CDK14: variants seen among roughly 807,000 people sequenced by gnomAD.
CDK14 encodes the protein cyclin dependent kinase 14, also known as cyclin-dependent kinase 14.
Under a neutral mutation model 60.7 loss-of-function variants are expected in CDK14, and 34 were observed. The ratio of observed to expected loss-of-function variants is 0.56; its 90% CI spans 0.43 to 0.75. The LOEUF is 0.75. CDK14 is among the 30% of genes least tolerant of loss of function. The pLI is 0.00. For missense variants in CDK14, 482 were observed against 564.1 expected, an observed-to-expected ratio of 0.85 and a Z score of 1.47; for synonymous variants, 197 against 203.7, an observed-to-expected ratio of 0.97 and a Z score of 0.28.
intron 12 of CDK14, among the ~76,000 whole-genome samples, chr7:91,103,062 G>A (rs1799188851): frequency 6.6e-6 from 1 of 152,052 alleles, no homozygotes; most frequent in African/African-American, 2.4e-5. Context: ...AGACCAGTCT[G>A]GCCAACATGG....
At chr7:91,026,024 C>T (rs140558812) in intron 10 of CDK14, among the ~76,000 whole-genome samples, 53 of 150,244 alleles carry the variant, frequency 3.5e-4, no homozygotes, top group African/African-American at 1.1e-3. Context: ...GACTAAGTTA[C>T]CTTTTTTTTT....
At chr7:91,191,240 G>C (rs1489592078) in intron 14 of CDK14, among the ~76,000 whole-genome samples, 11 of 152,012 alleles carry the variant, frequency 7.2e-5, no homozygotes, top group Admixed American at 6.6e-4. Context: ...TACCAAACCA[G>C]AGTTAGCAAC....
chr7:90,859,941 T>G (rs553664211), intron 5 of CDK14, among the ~76,000 whole-genome samples: 3 of 151,906 alleles, frequency 2.0e-5, no homozygotes, highest in Admixed American at 6.6e-5. Flanking sequence ...TGTTTTTTTG[T>G]TTTTTTTCTC....
intron 5 of CDK14, among the ~76,000 whole-genome samples, chr7:90,854,298 G>C (rs1355055114): frequency 1.3e-5 from 2 of 152,182 alleles, no homozygotes; most frequent in Non-Finnish European, 2.9e-5. Flanking sequence ...AGAATCACTT[G>C]AGTGCGGGAA....
At chr7:91,004,588 A>G (rs185259799) in intron 10 of CDK14, among the ~76,000 whole-genome samples, 2 of 152,310 alleles carry the variant, frequency 1.3e-5, no homozygotes, top group East Asian at 3.9e-4. Flanking sequence ...AAAGAATATC[A>G]ATTGATGTCA....
intron 4 of CDK14, among the ~76,000 whole-genome samples, chr7:90,787,171 G>A (rs12537446): frequency 0.21 from 31,183 of 152,044 alleles, 3,340 homozygotes; most frequent in South Asian, 0.24. Context: ...TTGATAATCA[G>A]TGTAATTCTT....
intron 6 of CDK14, among the ~76,000 whole-genome samples, chr7:90,886,955 A>G (rs890583681): frequency 2.6e-5 from 4 of 152,094 alleles, no homozygotes; most frequent in East Asian, 1.9e-4. Context: ...ATTGTTGGCT[A>G]TTTTTTCATT....
At chr7:91,004,906 G>C (rs1216761692) in intron 10 of CDK14, among the ~76,000 whole-genome samples, 1 of 152,142 alleles carries the variant, frequency 6.6e-6, no homozygotes, top group East Asian at 1.9e-4. Context: ...GGATATAAAA[G>C]AAAAATCTGA....
chr7:91,056,249 G>A (rs951449973), intron 11 of CDK14, among the ~76,000 whole-genome samples: 8 of 152,102 alleles, frequency 5.3e-5, no homozygotes, highest in Admixed American at 2.6e-4. Flanking sequence ...CAGTTTGACC[G>A]GGGATTCCAC....
At position 91,142,370 on chromosome 7, in the gene CDK14, C is replaced by G. The variant is rs141744167; in HGVS notation, c.*28+24162C>G. On this transcript the variant is annotated intron_variant, in intron 14 of 14. Transcript: ENST00000380050. Reference sequence around the variant, plus strand: ...CACTCCTTCTTGTCCCCCTGCCACTCAGACTGAGAAGCAATTGCTATTTAC... The same window carrying G: ...CACTCCTTCTTGTCCCCCTGCCACTGAGACTGAGAAGCAATTGCTATTTAC... 3.9e-5 allele frequency among the ~76,000 whole-genome samples: 6 copies of G among 152,324 alleles called. No homozygotes were observed. In the East Asian group the frequency reaches 1.2e-3, roughly 29 times the overall value.
chr7:90,602,002 TC>T (rs1563012168), intron 1 of CDK14, among the ~76,000 whole-genome samples: 1 of 151,962 alleles, frequency 6.6e-6, no homozygotes, highest in Non-Finnish European at 1.5e-5. Context: ...AGACAGGGAT[TC>T]CCCCTGTTGC....
chr7:90,822,714 G>C (rs1789591703), intron 5 of CDK14, among the ~76,000 whole-genome samples: 1 of 152,114 alleles, frequency 6.6e-6, no homozygotes, highest in African/African-American at 2.4e-5. Context: ...ACATAATGTT[G>C]CCTGAAAAAA....
intron 4 of CDK14, among the ~76,000 whole-genome samples, chr7:90,784,927 A>G (rs964641948): frequency 2.0e-5 from 3 of 152,226 alleles, no homozygotes; most frequent in Admixed American, 2.0e-4. Context: ...ATATAACTTT[A>G]AAAATATTTT....
In CDK14 at chr7:91,008,469, T is replaced by C. The variant is rs1296167752; in HGVS notation, c.1041+24228T>C. ...TGTTTGAGGTTTCATGTGTTTTTGT[T>C]GTTTGTTGTTAATTTTGCTCCTTCC... On this transcript the variant is annotated intron_variant, in intron 10 of 14. Transcript: ENST00000380050. Among the ~76,000 whole-genome samples, 5 of 152,188 alleles carry C rather than the reference T, an allele frequency of 3.3e-5. No individual in the cohort carries two copies. The East Asian group carries it at 9.6e-4, about 29-fold the overall frequency.
intron 14 of CDK14, among the ~76,000 whole-genome samples, chr7:91,179,667 G>A (rs1737420505): frequency 6.6e-6 from 1 of 152,034 alleles, no homozygotes; most frequent in Non-Finnish European, 1.5e-5. Flanking sequence ...GCCGGGCGTG[G>A]TGGCGGGCGC....
At chr7:91,061,810 A>C (rs1020556703) in intron 11 of CDK14, among the ~76,000 whole-genome samples, 1 of 151,928 alleles carries the variant, frequency 6.6e-6, no homozygotes, top group Non-Finnish European at 1.5e-5. Context: ...GTCTGCCCCT[A>C]CTCGGGGGTG....
chr7:90,845,610 C>T (rs935345668), intron 5 of CDK14, among the ~76,000 whole-genome samples: 2 of 151,528 alleles, frequency 1.3e-5, no homozygotes, highest in Non-Finnish European at 2.9e-5. Flanking sequence ...GCTCACTTTT[C>T]TGGTGTCACT....
intron 10 of CDK14, among the ~76,000 whole-genome samples, chr7:91,015,301 G>C (rs1254943954): frequency 6.6e-6 from 1 of 151,968 alleles, no homozygotes; most frequent in Non-Finnish European, 1.5e-5. Context: ...CCTTACCCAA[G>C]TTCTGTACAT....
chr7:91,086,877 G>A (rs536365673), intron 12 of CDK14, among the ~76,000 whole-genome samples: 2 of 152,228 alleles, frequency 1.3e-5, no homozygotes, highest in East Asian at 3.9e-4. Context: ...TGAATGTTCA[G>A]CCTCAAAATA....
Sources: gnomAD v4.1 joint callset for allele counts (sites outside exome capture counted in the v4.1 genomes callset) on GRCh38, gnomAD v4.1.1 for gene constraint, MANE v1.5 for transcripts, NCBI Gene and HGNC (gene_info 2026-07-23, HGNC 2026-07-21) for gene names.